The following STK38 variants were observed in gnomAD, a reference collection of about 807,000 sequenced individuals.
STK38 encodes the protein serine/threonine kinase 38.
STK38 carries 26 observed loss-of-function variants against 59.0 expected under a neutral mutation model. The observed-to-expected ratio is 0.44, with a 90% confidence interval of 0.32 to 0.61. The LOEUF (loss-of-function observed/expected upper bound fraction) is 0.61, where lower values mean the gene tolerates loss of function less well. Ranked by LOEUF, STK38 falls within the 20% of genes least tolerant of loss-of-function variation. The probability of loss-of-function intolerance (pLI) is 0.04; values close to 1 mark genes in which losing one functional copy is unlikely to be tolerated. For missense variants in STK38, 433 were observed against 566.0 expected (o/e 0.76, Z 2.38); for synonymous variants, 175 against 176.6 (o/e 0.99, Z 0.07).
chr6:36,526,926 G>T (rs1777528118), intron 2 of STK38, among the ~76,000 whole-genome samples: 1 of 150,898 alleles, frequency 6.6e-6, no homozygotes. Context: ...GGGCGTGGTG[G>T]CTCACGCCTG....
chr6:36,539,028 T>C (rs1777868022), intron 2 of STK38, among the ~76,000 whole-genome samples: 1 of 152,108 alleles, frequency 6.6e-6, no homozygotes. Flanking sequence ...ATATTCACTG[T>C]TTATTACAAG....
rs148272784 is a variant in STK38 at position 36,510,618 on chromosome 6, G to A, written c.670-3016C>T. 1.1e-3 allele frequency among the ~76,000 whole-genome samples: 163 copies of A among 152,306 alleles called. 6 individuals are homozygous for A. In the East Asian group the frequency reaches 0.025, roughly 23 times the overall value. On this transcript the variant is annotated intron_variant, in intron 7 of 13. Coordinates refer to ENST00000229812, the MANE Select transcript of STK38 (RefSeq NM_007271.4). The stretch of plus-strand genomic sequence containing the variant: ...CAGCAGAGGCTCCAGACAGGCCACC[G>A]CTGCCATTATGACCATGCTGTATTC...
At chr6:36,515,526 AC>A in intron 6 of STK38, 34 bp from the exon 7 acceptor site, 1 of 1,473,714 alleles carries the variant, frequency 6.8e-7, no homozygotes, top group Non-Finnish European at 9.3e-7. Flanking sequence ...CACCACACAC[AC>A]ACACACACAC....
intron 7 of STK38, 119 bp from the exon 8 acceptor site, chr6:36,507,721 T>C: frequency 1.6e-6 from 1 of 622,412 alleles, no homozygotes. Context: ...CTGCTCCTTC[T>C]TTTATGATAG....
At chr6:36,505,982 A>G (rs573910813) in intron 9 of STK38, among the ~76,000 whole-genome samples, 1 of 152,332 alleles carries the variant, frequency 6.6e-6, no homozygotes, top group East Asian at 1.9e-4. Flanking sequence ...TACTTCCAAC[A>G]TACTATCAAG....
In STK38 at chr6:36,499,861, C is replaced by A; in HGVS notation, c.952+12G>T. On this transcript the variant is annotated intron_variant, in intron 10 of 13. Coordinates refer to ENST00000229812, the MANE Select transcript of STK38 (RefSeq NM_007271.4). ...ATGCACAGAAAAAGTCCTCTGAAACCATGCAACTTACCGATGAGCATCTCA... is the reference window on the plus strand; with the variant it reads ...ATGCACAGAAAAAGTCCTCTGAAACAATGCAACTTACCGATGAGCATCTCA... The A allele has an allele frequency of 1.2e-6, 2 of 1,609,462 alleles. No individual in the cohort carries two copies. Among genetic ancestry groups the A allele is most frequent in the Non-Finnish European group, 1.7e-6 (2 of 1,176,016 alleles).
intron 7 of STK38, among the ~76,000 whole-genome samples, chr6:36,508,460 C>G (rs1305330294): frequency 6.6e-6 from 1 of 152,174 alleles, no homozygotes; most frequent in Non-Finnish European, 1.5e-5. Flanking sequence ...TAAATCTTTT[C>G]AAAATTGTTC....
chr6:36,510,819 C>A (rs996524154), intron 7 of STK38, among the ~76,000 whole-genome samples: 1 of 152,218 alleles, frequency 6.6e-6, no homozygotes, highest in Non-Finnish European at 1.5e-5. Flanking sequence ...AAGCAGAAAT[C>A]AGCCCATGCT....
intron 12 of STK38, 33 bp from the exon 13 acceptor site, chr6:36,496,838 G>C: frequency 3.4e-6 from 5 of 1,479,164 alleles, no homozygotes; most frequent in Non-Finnish European, 4.7e-6. Context: ...AAATTACTAA[G>C]TTAGTAATCA....
chr6:36,496,154 C>T (rs956670418), intron 13 of STK38, among the ~76,000 whole-genome samples: 5 of 150,370 alleles, frequency 3.3e-5, no homozygotes, highest in Admixed American at 1.3e-4. Flanking sequence ...AACAATCCTT[C>T]TGCCTCAGCC....
At chr6:36,544,911 C>G (rs1388737466) in intron 1 of STK38, among the ~76,000 whole-genome samples, 1 of 152,070 alleles carries the variant, frequency 6.6e-6, no homozygotes, top group Non-Finnish European at 1.5e-5. Context: ...CAACAATCTG[C>G]TAGTATTTAA....
At chr6:36,535,919 G>A (rs552877327) in intron 2 of STK38, among the ~76,000 whole-genome samples, 324 of 149,758 alleles carry the variant, frequency 2.2e-3, no homozygotes, top group African/African-American at 6.8e-3. Context: ...GGGCTTTTCC[G>A]TAGAAATTAA....
chr6:36,493,898 TAC>T lies in STK38; in HGVS notation c.*1884_*1885del, dbSNP rs1582394115. The stretch of plus-strand genomic sequence containing the variant: ...CACCACGTATTTCCACTACTGTTTT[TAC>T]ACAGTTTATTCAGAAGTTTAAAAGT... On this transcript the variant is annotated 3_prime_UTR_variant, in exon 14 of 14. Coordinates refer to ENST00000229812, the MANE Select transcript of STK38 (RefSeq NM_007271.4). 1 of 152,234 alleles carries T rather than the reference TAC, an allele frequency of 6.6e-6. No homozygotes were observed. Among genetic ancestry groups the T allele is most frequent in the Admixed American group, 6.5e-5 (1 of 15,284 alleles). 9.4% of individuals were successfully genotyped at this position (152,234 alleles called of 1,614,324 possible). A position where few individuals can be genotyped will look rare whatever the true frequency, so the allele number is the denominator to read the frequency against.
intron 2 of STK38, among the ~76,000 whole-genome samples, chr6:36,530,691 C>CTTTTTT (rs760949624): frequency 1.6e-5 from 2 of 122,644 alleles, no homozygotes; most frequent in African/African-American, 3.4e-5. Context: ...CTTTTCTTTT[C>CTTTTTT]TTTTTTTTTT....
At chr6:36,508,551 T>TG (rs973390683) in intron 7 of STK38, among the ~76,000 whole-genome samples, 1 of 152,252 alleles carries the variant, frequency 6.6e-6, no homozygotes, top group African/African-American at 2.4e-5. Context: ...TAAATATTAT[T>TG]GGATAGTCCT....
At chr6:36,522,965 A>G (rs1209924086) in intron 4 of STK38, among the ~76,000 whole-genome samples, 1 of 151,950 alleles carries the variant, frequency 6.6e-6, no homozygotes, top group Non-Finnish European at 1.5e-5. Context: ...AATGTTCTTA[A>G]AGAAAACAGA....
At chr6:36,544,423 C>A (rs1778012751) in intron 1 of STK38, among the ~76,000 whole-genome samples, 1 of 151,952 alleles carries the variant, frequency 6.6e-6, no homozygotes. Context: ...CCTCCACCCA[C>A]AATGAAAACC....
At chr6:36,530,020 C>A (rs376519688) in intron 2 of STK38, among the ~76,000 whole-genome samples, 1 of 152,132 alleles carries the variant, frequency 6.6e-6, no homozygotes, top group Non-Finnish European at 1.5e-5. Flanking sequence ...GCTCGCACAC[C>A]GCCTGAGGCC....
intron 7 of STK38, among the ~76,000 whole-genome samples, chr6:36,509,305 G>C (rs1033098405): frequency 6.6e-6 from 1 of 152,182 alleles, no homozygotes; most frequent in Admixed American, 6.5e-5. Flanking sequence ...GCAGCCCTCA[G>C]TGCAGAAAAG....
Sources: allele counts gnomAD v4.1 joint callset (sites outside exome capture counted in the v4.1 genomes callset), GRCh38; gene constraint gnomAD v4.1.1; transcripts MANE v1.5; gene names NCBI Gene and HGNC (gene_info 2026-07-23, HGNC 2026-07-21).